Variants in CLEC17A observed in about 807,000 individuals in gnomAD.
The protein encoded by CLEC17A is C-type lectin domain family 17, member A.
Under a neutral mutation model 61.3 loss-of-function variants are expected in CLEC17A, and 37 were observed. That is an observed-to-expected ratio of 0.60 (90% CI 0.46 to 0.79). CLEC17A has a LOEUF of 0.79. CLEC17A is among the 30% of genes least tolerant of loss of function. CLEC17A has a pLI of 0.00. For missense variants in CLEC17A, 418 were observed against 464.7 expected (o/e 0.90, Z 0.92); for synonymous variants, 168 against 164.9 (o/e 1.02, Z -0.14).
At position 14,600,874 on chromosome 19, in the gene CLEC17A, C is replaced by T. The variant is rs372384548; in HGVS notation, c.894+692C>T. On this transcript the variant is annotated intron_variant, in intron 12 of 13. Coordinates refer to ENST00000417570, the MANE Select transcript of CLEC17A (RefSeq NM_001204118.2). ...AAAGTGCTGGGATTACAGGCGTGAGCCACCACGCTCGGCCTTCTTTTTTTT... is the reference window on the plus strand; with the variant it reads ...AAAGTGCTGGGATTACAGGCGTGAGTCACCACGCTCGGCCTTCTTTTTTTT... Among the ~76,000 whole-genome samples, 9 of 143,482 alleles carry T rather than the reference C, an allele frequency of 6.3e-5. No individual in the cohort carries two copies. The East Asian group carries it at 1.2e-3, about 20-fold the overall frequency. The allele number at this position is 143,482 out of a possible 152,430, so 94.1% of individuals were successfully genotyped here.
chr19:14,601,673 C>T (rs2074721641), intron 12 of CLEC17A, among the ~76,000 whole-genome samples: 1 of 152,126 alleles, frequency 6.6e-6, no homozygotes, highest in Non-Finnish European at 1.5e-5. Flanking sequence ...AGCTGGAGTG[C>T]AGTGGTATAA....
intron 2 of CLEC17A, among the ~76,000 whole-genome samples, chr19:14,585,449 C>T (rs1053008329): frequency 7.2e-5 from 11 of 152,184 alleles, no homozygotes; most frequent in African/African-American, 2.4e-4. Flanking sequence ...GTGACCCTTA[C>T]GTTCTCATAT....
chr19:14,597,223 C>T, intron 10 of CLEC17A, 62 bp downstream of exon 10: 1 of 1,463,928 alleles, frequency 6.8e-7, no homozygotes, highest in Non-Finnish European at 9.4e-7. Context: ...ATCCTCAGAT[C>T]CAACTCCAAG....
In CLEC17A at chr19:14,599,701, C is replaced by G. The variant is rs755629671; in HGVS notation, c.647-16C>G. The G allele has an allele frequency of 6.2e-6, 10 of 1,602,830 alleles. No individual in the cohort carries two copies. The highest frequency in any genetic ancestry group is 2.2e-5 in the East Asian group (1 of 44,846). On this transcript the variant is annotated splice_polypyrimidine_tract_variant and intron_variant, in intron 10 of 13. Coordinates refer to ENST00000417570, the MANE Select transcript of CLEC17A (RefSeq NM_001204118.2). Reference sequence around the variant, plus strand: ...GGTTCTCAGTCTGTAGCCCTCAAGCCCATCCCTTCTGACAGTGACTGGCAT... The same window carrying G: ...GGTTCTCAGTCTGTAGCCCTCAAGCGCATCCCTTCTGACAGTGACTGGCAT...
intron 7 of CLEC17A, 22 bp from the exon 8 acceptor site, chr19:14,595,252 C>A: frequency 6.2e-7 from 1 of 1,612,860 alleles, no homozygotes; most frequent in Non-Finnish European, 8.5e-7. Context: ...TCTGAATAAA[C>A]CTCTCTCCCC....
At chr19:14,581,399 C>T (rs1007397961), upstream of CLEC17A, among the ~76,000 whole-genome samples, 1 of 152,214 alleles carries the variant, frequency 6.6e-6, no homozygotes, top group South Asian at 2.1e-4. Flanking sequence ...TCTTGGCTCA[C>T]TGCAGCCTCC....
chr19:14,601,664 G>A (rs1481558687), intron 12 of CLEC17A, among the ~76,000 whole-genome samples: 1 of 152,130 alleles, frequency 6.6e-6, no homozygotes, highest in Non-Finnish European at 1.5e-5. Flanking sequence ...TGTCACTCAA[G>A]CTGGAGTGCA....
intron 12 of CLEC17A, 55 bp from the exon 13 acceptor site, chr19:14,606,938 T>G (rs760208675): frequency 5.2e-5 from 50 of 963,874 alleles, no homozygotes; most frequent in Non-Finnish European, 6.6e-5. Flanking sequence ...GGGCAGGTCC[T>G]CACCCTGAGG....
chr19:14,600,587 CTTT>C (rs561577759), intron 12 of CLEC17A, among the ~76,000 whole-genome samples: 1 of 145,332 alleles, frequency 6.9e-6, no homozygotes. Flanking sequence ...CTTTTCTTTT[CTTT>C]TTTTTTTTTG....
At chr19:14,609,970 C>T (rs983071111) in intron 13 of CLEC17A, 94 bp from the exon 14 acceptor site, 16 of 923,296 alleles carry the variant, frequency 1.7e-5, no homozygotes, top group African/African-American at 8.2e-5. Context: ...TTGCCAAATG[C>T]GTAGTGCCAG....
At chr19:14,600,001 C>T (rs749677755) in intron 11 of CLEC17A, 30 bp from the exon 12 acceptor site, 2 of 1,610,596 alleles carry the variant, frequency 1.2e-6, no homozygotes, top group Non-Finnish European at 1.7e-6. Context: ...GTTCTGGGGC[C>T]ATCCTGACAG....
At chr19:14,608,083 GC>G (rs1457407624) in intron 13 of CLEC17A, among the ~76,000 whole-genome samples, 1 of 151,962 alleles carries the variant, frequency 6.6e-6, no homozygotes, top group East Asian at 1.9e-4. Flanking sequence ...TGTTGCCCAG[GC>G]TGGTTTTGAA....
rs774134525 is a variant in CLEC17A, at chr19:14,593,635, C to A, written c.278-882C>A. 2.6e-5 allele frequency among the ~76,000 whole-genome samples: 4 copies of A among 152,128 alleles called. No homozygotes were observed. The South Asian group carries it at 8.3e-4, about 32-fold the overall frequency. ...TATGATGGCACCACTGCACTCCAGTCTGGATGACAGAGCAAGGCACTGTCT... is the reference window on the plus strand; with the variant it reads ...TATGATGGCACCACTGCACTCCAGTATGGATGACAGAGCAAGGCACTGTCT... On this transcript the variant is annotated intron_variant, in intron 4 of 13. Coordinates refer to ENST00000417570, the MANE Select transcript of CLEC17A (RefSeq NM_001204118.2).
At chr19:14,594,396 C>A in intron 4 of CLEC17A, 121 bp from the exon 5 acceptor site, 1 of 1,326,550 alleles carries the variant, frequency 7.5e-7, no homozygotes, top group Non-Finnish European at 1.1e-6. Context: ...ATTCTTACGT[C>A]CAACCCCGTC....
rs1280284645 is a variant in CLEC17A, at chr19:14,611,701, T to C, written c.*1505T>C. On this transcript the variant is annotated 3_prime_UTR_variant, in exon 14 of 14. Coordinates refer to ENST00000417570, the MANE Select transcript of CLEC17A (RefSeq NM_001204118.2). ...TATCTGTGGGTTGTAACGTCTTTGA[T>C]GATATAATTCACTTTACTTGCCAGG... 6.6e-6 allele frequency among the ~76,000 whole-genome samples: 1 copy of C among 152,140 alleles called. No homozygotes were observed. Among genetic ancestry groups the C allele is most frequent in the Non-Finnish European group, 1.5e-5 (1 of 68,024 alleles).
At position 14,607,000 on chromosome 19, in the gene CLEC17A, T is replaced by C; in HGVS notation, c.902T>C (p.Val301Ala). ...TGGAATTTTTATTTGCAGAATTTTG[T>C]GGCCAAGGCCCATGGCTCTCCACGG... ...IINSFAEHNF[V>A]AKAHGSPRVY... is the part of the protein sequence containing the mutation. Residue 301 changes from valine (V) to alanine (A), a missense_variant, in exon 13 of 14, where the codon GTG (valine) becomes GCG (alanine). Transcript: ENST00000417570. 7.8e-7 allele frequency: 1 copy of C among 1,281,464 alleles called. No individual in the cohort carries two copies. Among genetic ancestry groups the C allele is most frequent in the Non-Finnish European group, 9.9e-7 (1 of 1,010,194 alleles). The allele number at this position is 1,281,464 out of a possible 1,614,324, so 79.4% of individuals were successfully genotyped here.
intron 8 of CLEC17A, 73 bp downstream of exon 8, chr19:14,595,388 C>A: frequency 6.5e-7 from 1 of 1,538,458 alleles, no homozygotes; most frequent in Non-Finnish European, 9.0e-7. Flanking sequence ...TACAGTGAGA[C>A]CCTGAGTCAG....
chr19:14,590,145 T>C (rs2074373615), intron 3 of CLEC17A, among the ~76,000 whole-genome samples: 1 of 146,374 alleles, frequency 6.8e-6, no homozygotes, highest in Non-Finnish European at 1.5e-5. Context: ...TTTGGGGTAA[T>C]TGGTTGTGCA....
chr19:14,591,164 T>G (rs1210270980), intron 3 of CLEC17A, among the ~76,000 whole-genome samples: 1 of 151,740 alleles, frequency 6.6e-6, no homozygotes, highest in Non-Finnish European at 1.5e-5. Context: ...TTCTTCTTTT[T>G]TTTTTTTTGA....
Sources: gnomAD v4.1 joint callset for allele counts (sites outside exome capture counted in the v4.1 genomes callset) on GRCh38, gnomAD v4.1.1 for gene constraint, MANE v1.5 for transcripts, NCBI Gene and HGNC (gene_info 2026-07-23, HGNC 2026-07-21) for gene names.